Variants in IGLL5 observed in about 807,000 individuals in gnomAD.
IGLL5 encodes the protein immunoglobulin lambda-like polypeptide 5.
IGLL5 carries 30 observed loss-of-function variants against 20.9 expected under a neutral mutation model. The ratio of observed to expected loss-of-function variants is 1.44; its 90% CI spans 1.07 to 1.95. The LOEUF is 1.95. Among genes scored for constraint, IGLL5 ranks in the 30% most tolerant of loss-of-function variants. The pLI, the probability that IGLL5 is intolerant of heterozygous loss-of-function variation, is 0.00. For synonymous variants in IGLL5, 203 were observed against 117.3 expected, an observed-to-expected ratio of 1.73 and a Z score of -4.72; for missense variants, 475 against 270.7, an observed-to-expected ratio of 1.75 and a Z score of -5.30.
intron 1 of IGLL5, among the ~76,000 whole-genome samples, chr22:22,888,851 A>C (rs560916144): frequency 6.6e-6 from 1 of 151,394 alleles, no homozygotes; most frequent in South Asian, 2.1e-4. Context: ...TGTTTGGAGC[A>C]ATAAAGGGAG....
rs537255551 is a variant in IGLL5, at chr22:22,890,810, G to A, written c.206+2551G>A. On this transcript the variant is annotated intron_variant, in intron 1 of 2. Coordinates refer to ENST00000526893, the MANE Select transcript of IGLL5 (RefSeq NM_001178126.2). ...TTTTTATATTCTGCCCATCTGATGA[G>A]CAAAAAATTGAATGTGTTTATGGTT... Among the ~76,000 whole-genome samples the A allele has an allele frequency of 2.6e-5, 4 of 151,090 alleles. No individual in the cohort carries two copies. The South Asian group carries it at 8.4e-4, about 32-fold the overall frequency.
chr22:22,894,467 A>T (rs548870800), intron 2 of IGLL5, among the ~76,000 whole-genome samples: 1 of 151,346 alleles, frequency 6.6e-6, no homozygotes, highest in African/African-American at 2.4e-5. Context: ...CAGTCACCAG[A>T]AAGGAGACAG....
At chr22:22,894,815 C>G (rs1601628768) in intron 2 of IGLL5, among the ~76,000 whole-genome samples, 3 of 151,338 alleles carry the variant, frequency 2.0e-5, no homozygotes, top group Admixed American at 1.3e-4. Flanking sequence ...CTAGGTGGAG[C>G]CCACTCCTTG....
At chr22:22,894,168 A>T (rs552221473) in intron 2 of IGLL5, among the ~76,000 whole-genome samples, 1 of 151,478 alleles carries the variant, frequency 6.6e-6, no homozygotes, top group East Asian at 2.0e-4. Flanking sequence ...TCCTGGGGTC[A>T]AGGACAGAGG....
intron 1 of IGLL5, among the ~76,000 whole-genome samples, chr22:22,892,169 T>C (rs1395446251): frequency 6.6e-6 from 1 of 151,250 alleles, no homozygotes; most frequent in Non-Finnish European, 1.5e-5. Flanking sequence ...AAAATTTTCT[T>C]CAGTAACTTA....
intron 1 of IGLL5, among the ~76,000 whole-genome samples, chr22:22,891,110 G>T (rs1316544821): frequency 1.3e-5 from 2 of 151,082 alleles, no homozygotes; most frequent in Admixed American, 1.3e-4. Context: ...TGTCGAACTG[G>T]TTTAATCTTT....
Position 22,893,754 on chromosome 22 carries a change from G to C in IGLL5, c.261G>C (p.Gly87=). 1 of 1,606,672 alleles carries C rather than the reference G, an allele frequency of 6.2e-7. No homozygotes were observed. Among genetic ancestry groups the C allele is most frequent in the Non-Finnish European group, 8.5e-7 (1 of 1,176,712 alleles). ...CAGACCCCAGGTGCTGGCCCCGGGGGTTTTGGTCTGAGCCTCAGTCACTGT... is the reference window on the plus strand; with the variant it reads ...CAGACCCCAGGTGCTGGCCCCGGGGCTTTTGGTCTGAGCCTCAGTCACTGT... The part of the protein sequence containing the change: ...QRADPRCWPR[G]FWSEPQSLCY... The change falls in exon 2 of 3, where the codon GGG becomes GGC. Residue 87 remains glycine (G), a synonymous_variant. Coordinates refer to ENST00000526893, the MANE Select transcript of IGLL5 (RefSeq NM_001178126.2).
rs1162059724 is a variant in IGLL5 at position 22,888,182 on chromosome 22, T to G, written c.129T>G (p.Val43=). 3 of 1,548,924 alleles carry G rather than the reference T, an allele frequency of 1.9e-6. No individual in the cohort carries two copies. The highest frequency in any genetic ancestry group is 2.0e-5 in the Admixed American group (1 of 50,788). ...CCCATGGCCTGCTGCGCCCAATGGTTGCACCGCAAAGCGGGGACCCAGACC... is the reference window on the plus strand; with the variant it reads ...CCCATGGCCTGCTGCGCCCAATGGTGGCACCGCAAAGCGGGGACCCAGACC... ...MVAHGLLRPM[V]APQSGDPDPG... is the part of the protein sequence containing the mutation. Residue 43 remains valine (V), a synonymous_variant, in exon 1 of 3, where the codon GTT becomes GTG. Coordinates refer to ENST00000526893, the MANE Select transcript of IGLL5 (RefSeq NM_001178126.2).
intron 1 of IGLL5, among the ~76,000 whole-genome samples, chr22:22,889,450 T>C (rs538961983): frequency 6.6e-6 from 1 of 151,188 alleles, no homozygotes; most frequent in Non-Finnish European, 1.5e-5. Context: ...TAAGGGTTGG[T>C]TGGGGGAATA....
chr22:22,888,487 C>G (rs573038508), intron 1 of IGLL5, among the ~76,000 whole-genome samples: 7 of 151,400 alleles, frequency 4.6e-5, no homozygotes, highest in East Asian at 4.0e-4. Flanking sequence ...TCTGAGTTTT[C>G]TGGCGCCACT....
At chr22:22,890,477 T>A (rs559458610) in intron 1 of IGLL5, among the ~76,000 whole-genome samples, 1 of 149,846 alleles carries the variant, frequency 6.7e-6, no homozygotes, top group South Asian at 2.2e-4. Context: ...AACTTTGTTT[T>A]ATAAGCAAAG....
chr22:22,894,221 G>A (rs1601624692), intron 2 of IGLL5, among the ~76,000 whole-genome samples: 2 of 151,394 alleles, frequency 1.3e-5, no homozygotes, highest in East Asian at 2.0e-4. Context: ...CATAGTCTAG[G>A]GGAGCAGCCC....
At chr22:22,894,468 A>C (rs2068035543) in intron 2 of IGLL5, among the ~76,000 whole-genome samples, 2 of 151,338 alleles carry the variant, frequency 1.3e-5, no homozygotes, top group African/African-American at 4.8e-5. Flanking sequence ...AGTCACCAGA[A>C]AGGAGACAGT....
intron 1 of IGLL5, among the ~76,000 whole-genome samples, chr22:22,888,626 TC>T: frequency 1.3e-5 from 2 of 151,088 alleles, no homozygotes; most frequent in African/African-American, 4.9e-5. Flanking sequence ...CCAGGCCTGT[TC>T]CTCCCCCTCC....
At position 22,888,709 on chromosome 22, in the gene IGLL5, G is replaced by A. The variant is rs140947096; in HGVS notation, c.206+450G>A. ...CCCTGGAGAAGGCAGCAAGGGCTTG[G>A]TTTGGTCTCCCCCAAGGCTGTCTGT... is the stretch of plus-strand genomic sequence containing the variant. On this transcript the variant is annotated intron_variant, in intron 1 of 2. Transcript: ENST00000526893. Among the ~76,000 whole-genome samples the A allele has an allele frequency of 5.9e-5, 9 of 151,262 alleles. No homozygotes were observed. The East Asian group carries it at 6.1e-4, about 10-fold the overall frequency.
chr22:22,889,192 G>A (rs571106769), intron 1 of IGLL5, among the ~76,000 whole-genome samples: 10 of 151,140 alleles, frequency 6.6e-5, no homozygotes, highest in Non-Finnish European at 1.2e-4. Flanking sequence ...GTCCAGGGTA[G>A]GTGGGGATCC....
At position 22,888,052 on chromosome 22, in the gene IGLL5, C is replaced by T. The variant is rs530857841; in HGVS notation, c.-2C>T. On this transcript the variant is annotated 5_prime_UTR_variant, in exon 1 of 3. Transcript: ENST00000526893. ...CAGAGGTGCCCCTGAACCTGAAGGC[C>T]AATGAGACCCAAGACAGGCCAAGTG... 966 of 1,549,022 alleles carry T rather than the reference C, an allele frequency of 6.2e-4. 4 individuals carry two copies. The African/African-American group carries it at 0.012, about 19-fold the overall frequency.
chr22:22,889,501 C>A (rs116122178), intron 1 of IGLL5, among the ~76,000 whole-genome samples: 1 of 151,152 alleles, frequency 6.6e-6, no homozygotes, highest in South Asian at 2.1e-4. Context: ...GGGTGGTTAG[C>A]TCAGCATTAT....
At chr22:22,894,152 A>G (rs565255335) in intron 2 of IGLL5, among the ~76,000 whole-genome samples, 6 of 151,468 alleles carry the variant, frequency 4.0e-5, no homozygotes, top group East Asian at 2.0e-4. Context: ...GACATTGCCC[A>G]GTGACTCCTG....
Sources: allele counts gnomAD v4.1 joint callset (sites outside exome capture counted in the v4.1 genomes callset), GRCh38; gene constraint gnomAD v4.1.1; transcripts MANE v1.5; gene names NCBI Gene and HGNC (gene_info 2026-07-23, HGNC 2026-07-21).